Variants in CELA3B observed in about 807,000 individuals in gnomAD.
CELA3B encodes chymotrypsin-like elastase family member 3B.
In CELA3B, 34 loss-of-function variants were observed where a neutral mutation model predicts 37.2. The observed-to-expected ratio is 0.91, with a 90% CI of 0.70 to 1.22. The LOEUF is 1.22. Ranked by LOEUF, CELA3B falls within the 50% of genes most tolerant of loss-of-function variation. The probability of loss-of-function intolerance (pLI) is 0.00; values close to 1 mark genes in which losing one functional copy is unlikely to be tolerated. For synonymous variants in CELA3B, 127 were observed against 143.5 expected (o/e 0.89, Z 0.82); for missense variants, 340 against 363.1 (o/e 0.94, Z 0.52).
At chr1:21,985,658 G>C (rs540261756) in intron 6 of CELA3B, among the ~76,000 whole-genome samples, 2 of 151,472 alleles carry the variant, frequency 1.3e-5, no homozygotes, top group African/African-American at 2.4e-5. Flanking sequence ...TTGGGAGGCC[G>C]AGCCGGGCGG....
intron 7 of CELA3B, among the ~76,000 whole-genome samples, chr1:21,988,621 G>C (rs1292989084): frequency 6.8e-6 from 1 of 146,528 alleles, no homozygotes; most frequent in African/African-American, 2.5e-5. Context: ...GCCGGGCATG[G>C]TGGCTCATGC....
chr1:21,981,672 G>T (rs79366202), intron 4 of CELA3B, among the ~76,000 whole-genome samples: 7,347 of 152,092 alleles, frequency 0.048, 319 homozygotes, highest in African/African-American at 0.11. Context: ...TGGGCCTCCC[G>T]GGTGGTTGTG....
chr1:21,980,920 T>C lies in CELA3B; in HGVS notation c.226T>C (p.Ser76Pro), dbSNP rs1349219603. 1 of 1,613,638 alleles carries C rather than the reference T, an allele frequency of 6.2e-7. No homozygotes were observed. Among genetic ancestry groups the C allele is most frequent in the African/African-American group, 1.3e-5 (1 of 74,884 alleles). Reference sequence around the variant, plus strand: ...GGTTGTGACTGCCGGCCACTGCATCTCGTGAGTTCTCTACCCTGTCCCTGC... The same window carrying C: ...GGTTGTGACTGCCGGCCACTGCATCCCGTGAGTTCTCTACCCTGTCCCTGC... The part of the protein sequence containing the change: ...DWVVTAGHCI[S>P]SSRTYQVVLG... Residue 76 changes from serine (S) to proline (P), a missense_variant and splice_region_variant, in exon 3 of 8, where the codon TCG becomes CCG. Coordinates refer to ENST00000337107, the MANE Select transcript of CELA3B (RefSeq NM_007352.4).
At chr1:21,983,129 C>T (rs1416594843) in intron 4 of CELA3B, among the ~76,000 whole-genome samples, 1 of 152,170 alleles carries the variant, frequency 6.6e-6, no homozygotes, top group Non-Finnish European at 1.5e-5. Flanking sequence ...GCGGGCATAT[C>T]AGCTAAGGTC....
At chr1:21,991,484 T>C (rs549594094), downstream of CELA3B, among the ~76,000 whole-genome samples, 448 of 149,032 alleles carry the variant, frequency 3.0e-3, 19 homozygotes, top group African/African-American at 0.01. Context: ...TACAGGCGCA[T>C]GCCACCACGC....
intron 6 of CELA3B, among the ~76,000 whole-genome samples, chr1:21,985,528 T>C (rs1444092243): frequency 2.0e-5 from 3 of 152,026 alleles, no homozygotes; most frequent in Admixed American, 2.0e-4. Context: ...TCCTCCTGCC[T>C]TGGCCTTCCA....
chr1:21,991,976 C>A (rs12132124), downstream of CELA3B, among the ~76,000 whole-genome samples: 6,400 of 140,810 alleles, frequency 0.045, 495 homozygotes, highest in African/African-American at 0.12. Flanking sequence ...CAAAATTAGG[C>A]AGGTGTGGTG....
chr1:21,985,869 C>T (rs562857369), intron 6 of CELA3B, among the ~76,000 whole-genome samples: 1,771 of 151,518 alleles, frequency 0.012, 46 homozygotes, highest in African/African-American at 0.04. Flanking sequence ...CCAACCTGGG[C>T]GACAGAGCGA....
chr1:21,977,354 C>T (rs541497976), intron 1 of CELA3B, among the ~76,000 whole-genome samples: 1 of 152,108 alleles, frequency 6.6e-6, no homozygotes. Flanking sequence ...AGAGTTTGGG[C>T]TGTGTGGTTG....
intron 4 of CELA3B, among the ~76,000 whole-genome samples, chr1:21,996,778 C>T (rs1231513495): frequency 1.3e-5 from 2 of 150,848 alleles, no homozygotes; most frequent in African/African-American, 4.9e-5. Context: ...TGGATCCCAG[C>T]CGGGATGATG....
At chr1:21,977,271 G>A (rs543821702) in intron 1 of CELA3B, among the ~76,000 whole-genome samples, 189 bp downstream of exon 1, 5 of 152,234 alleles carry the variant, frequency 3.3e-5, no homozygotes, top group South Asian at 4.1e-4. Context: ...AGGGGAAGCC[G>A]TGGATGGAGA....
At chr1:21,986,135 C>A (rs1644837300) in intron 6 of CELA3B, among the ~76,000 whole-genome samples, 1 of 150,628 alleles carries the variant, frequency 6.6e-6, no homozygotes, top group South Asian at 2.1e-4. Flanking sequence ...TTGGGAGGCC[C>A]CGGCAGGTGG....
rs760395028 is a variant in CELA3B at position 21,977,077 on chromosome 1, C to T, written c.38C>T (p.Ala13Val). ...CTGCTCAGTTCCCTCCTCCTTGTGG[C>T]CGTTGGTAAGACCCCAACCTGTGTG... is the stretch of plus-strand genomic sequence containing the variant. The part of the protein sequence containing the change: ...LRLLSSLLLV[A>V]VASGYGPPSS... The change falls in exon 1 of 8, where the codon GCC (alanine) becomes GTC (valine). Residue 13 changes from alanine (A) to valine (V), a missense_variant. Coordinates refer to ENST00000337107, the MANE Select transcript of CELA3B (RefSeq NM_007352.4). The T allele has an allele frequency of 8.7e-6, 14 of 1,614,176 alleles. No individual in the cohort carries two copies. Among genetic ancestry groups the T allele is most frequent in the Middle Eastern group, 3.3e-4 (2 of 6,062 alleles).
Position 21,978,471 on chromosome 1 carries a change from C to T in CELA3B, c.129+17C>T. ...CCCTGGCAGGTAAGAGCAATAGCAG[C>T]TGCCCTCATTCCCACCGTGGGCTCT... On this transcript the variant is annotated intron_variant, in intron 2 of 7. Coordinates refer to ENST00000337107, the MANE Select transcript of CELA3B (RefSeq NM_007352.4). 1 of 1,613,746 alleles carries T rather than the reference C, an allele frequency of 6.2e-7. No individual in the cohort carries two copies. The highest frequency in any genetic ancestry group is 2.2e-5 in the East Asian group (1 of 44,886).
chr1:21,995,000 CAAAAAAA>C (rs61509449), intron 4 of CELA3B, among the ~76,000 whole-genome samples: 2 of 54,010 alleles, frequency 3.7e-5, no homozygotes, highest in African/African-American at 7.4e-5. Flanking sequence ...AGACTTGTCT[CAAAAAAA>C]AAAAAAAAAA....
chr1:21,980,847 C>T lies in CELA3B; in HGVS notation c.153C>T (p.Ser51=), dbSNP rs7528228. 1,523,669 of 1,587,156 alleles carry T rather than the reference C, an allele frequency of 0.96. 735,461 individuals carry two copies. The highest frequency in any genetic ancestry group is 0.98 in the Non-Finnish European group (1,141,578 of 1,163,814). ...PWQVSLQYEK[S]GSFYHTCGGS... ...AGGTTTCCCTGCAGTATGAGAAAAG[C>T]GGAAGCTTCTACCACACCTGTGGCG... The change falls in exon 3 of 8, where the codon AGC becomes AGT. Residue 51 remains serine, a synonymous_variant. Coordinates refer to ENST00000337107, the MANE Select transcript of CELA3B (RefSeq NM_007352.4).
Position 21,997,067 on chromosome 1 carries a change from A to C in CELA3B, c.505-1084A>C, listed in dbSNP as rs546181363. On this transcript the variant is annotated intron_variant, in intron 4 of 4. Coordinates refer to the CELA3B transcript ENST00000400277. ...GAGGAGTAAGTGCTCCAAAGTTAAAAGTTAAAGTCCCGCCGGGCGTGGTGG... is the reference window on the plus strand; with the variant it reads ...GAGGAGTAAGTGCTCCAAAGTTAAACGTTAAAGTCCCGCCGGGCGTGGTGG... 4.1e-4 allele frequency among the ~76,000 whole-genome samples: 62 copies of C among 151,524 alleles called. 5 individuals are homozygous for C. The highest frequency in any genetic ancestry group is 1.5e-3 in the African/African-American group (62 of 41,082).
At position 21,998,351 on chromosome 1, in the gene CELA3B, G is replaced by A. The variant is rs370691504; in HGVS notation, c.*162G>A. Reference sequence around the variant, plus strand: ...ACTGGGTTATATTCTGGGAGCCGAGGCCACAGCAGTGAACAAAGCACACAA... The same window carrying A: ...ACTGGGTTATATTCTGGGAGCCGAGACCACAGCAGTGAACAAAGCACACAA... On this transcript the variant is annotated 3_prime_UTR_variant, in exon 5 of 5. Transcript: ENST00000400277. The A allele has an allele frequency of 5.7e-5, 22 of 387,836 alleles. 1 individual carries two copies. The East Asian group carries it at 1.1e-3, about 20-fold the overall frequency. The allele number at this position is 387,836 out of a possible 1,614,324, so 24.0% of individuals were successfully genotyped here. A position where few individuals can be genotyped will look rare whatever the true frequency, so the allele number is the denominator to read the frequency against.
At chr1:21,988,590 TAAAA>T (rs57938649) in intron 7 of CELA3B, among the ~76,000 whole-genome samples, 5 of 104,312 alleles carry the variant, frequency 4.8e-5, no homozygotes, top group Admixed American at 9.6e-5. Context: ...GACTCCATCT[TAAAA>T]AAAAAAAAAA....
Sources: gnomAD v4.1 joint callset for allele counts (sites outside exome capture counted in the v4.1 genomes callset) on GRCh38, gnomAD v4.1.1 for gene constraint, MANE v1.5 for transcripts, NCBI Gene and HGNC (gene_info 2026-07-23, HGNC 2026-07-21) for gene names.